The following NRXN3 variants were observed in gnomAD, a reference collection of about 807,000 sequenced individuals.
The protein encoded by NRXN3 is neurexin III.
Under a neutral mutation model 137.6 loss-of-function variants are expected in NRXN3, and 32 were observed. The observed-to-expected ratio is 0.23, with a 90% CI of 0.18 to 0.31. The LOEUF is 0.31. NRXN3 is among the 10% of genes least tolerant of loss of function. The pLI is 1.00. For synonymous variants in NRXN3, 798 were observed against 784.5 expected (o/e 1.02, Z -0.29); for missense variants, 1,574 against 2,062.5 (o/e 0.76, Z 4.59).
intron 15 of NRXN3, among the ~76,000 whole-genome samples, chr14:79,232,417 A>G (rs951523252): frequency 1.6e-4 from 25 of 152,172 alleles, no homozygotes; most frequent in African/African-American, 5.8e-4. Flanking sequence ...AATTGTATTC[A>G]AAACAGAACC....
chr14:78,391,087 C>T (rs1351322696), intron 4 of NRXN3, among the ~76,000 whole-genome samples: 4 of 152,158 alleles, frequency 2.6e-5, no homozygotes, highest in Admixed American at 6.5e-5. Context: ...CCAGCTTTAT[C>T]CATGTCCCTG....
chr14:79,459,849 C>G (rs536263421), intron 15 of NRXN3, among the ~76,000 whole-genome samples: 2 of 151,840 alleles, frequency 1.3e-5, no homozygotes, highest in African/African-American at 4.8e-5. Context: ...TATGAAAATT[C>G]CTTTAAGCAA....
At chr14:79,757,078 T>A (rs1001497097) in intron 19 of NRXN3, among the ~76,000 whole-genome samples, 3 of 152,086 alleles carry the variant, frequency 2.0e-5, no homozygotes, top group Non-Finnish European at 4.4e-5. Flanking sequence ...GTGAGCTTGG[T>A]CCCCACAAAG....
chr14:79,367,114 G>A (rs1408926516), intron 15 of NRXN3, among the ~76,000 whole-genome samples: 1 of 151,666 alleles, frequency 6.6e-6, no homozygotes, highest in African/African-American at 2.4e-5. Flanking sequence ...CTCCCAAGTA[G>A]CTGGGACTAC....
intron 4 of NRXN3, among the ~76,000 whole-genome samples, chr14:78,520,728 T>C (rs1482779013): frequency 1.3e-5 from 2 of 152,144 alleles, no homozygotes; most frequent in African/African-American, 2.4e-5. Flanking sequence ...CTCATGTTTG[T>C]GAAATTAGTT....
At chr14:79,533,823 A>G (rs1240925595) in intron 16 of NRXN3, among the ~76,000 whole-genome samples, 2 of 152,192 alleles carry the variant, frequency 1.3e-5, no homozygotes, top group African/African-American at 2.4e-5. Context: ...GAGGCAAAAG[A>G]ATGGATAGAT....
At chr14:79,822,261 A>T (rs2141059493) in intron 20 of NRXN3, among the ~76,000 whole-genome samples, 1 of 152,280 alleles carries the variant, frequency 6.6e-6, no homozygotes, top group African/African-American at 2.4e-5. Flanking sequence ...GCTCGAATTT[A>T]AAACTAGTAC....
intron 4 of NRXN3, among the ~76,000 whole-genome samples, chr14:78,530,457 A>G (rs965734392): frequency 6.6e-6 from 1 of 152,180 alleles, no homozygotes; most frequent in Non-Finnish European, 1.5e-5. Context: ...GGCTTCTACA[A>G]GTTATTTTTC....
chr14:78,356,094 G>A (rs1006404599), intron 4 of NRXN3, among the ~76,000 whole-genome samples: 1 of 152,220 alleles, frequency 6.6e-6, no homozygotes, highest in African/African-American at 2.4e-5. Context: ...GATTGCAAAG[G>A]GAAAGGCCAA....
chr14:78,405,144 C>A (rs933218236), intron 4 of NRXN3, among the ~76,000 whole-genome samples: 4 of 152,104 alleles, frequency 2.6e-5, no homozygotes, highest in Non-Finnish European at 4.4e-5. Context: ...TTATTTTAAC[C>A]TCTTCTTCCA....
intron 15 of NRXN3, among the ~76,000 whole-genome samples, chr14:79,045,225 C>A (rs2099631239): frequency 1.3e-5 from 2 of 152,022 alleles, no homozygotes; most frequent in East Asian, 3.9e-4. Flanking sequence ...CTGGCGCTAC[C>A]CACACCCCTC....
At chr14:79,095,208 T>C (rs533344966) in intron 15 of NRXN3, among the ~76,000 whole-genome samples, 1 of 152,290 alleles carries the variant, frequency 6.6e-6, no homozygotes, top group African/African-American at 2.4e-5. Flanking sequence ...ATGGTAGCAG[T>C]AGGGACTTGG....
intron 16 of NRXN3, among the ~76,000 whole-genome samples, chr14:79,628,563 A>G (rs756016352): frequency 4.6e-5 from 7 of 152,110 alleles, no homozygotes; most frequent in Non-Finnish European, 8.8e-5. Flanking sequence ...GAGGGCAGAT[A>G]TTGGAAAGGT....
rs142163679 is a variant in NRXN3, at chr14:78,741,229, C to T, written c.2044+26090C>T. On this transcript the variant is annotated intron_variant, in intron 8 of 20. Coordinates refer to ENST00000335750, the MANE Select transcript of NRXN3 (RefSeq NM_001330195.2). ...CAGGAATCCTCATTTTATATCCATGCTGAAGGCTCCTAGAGTAGCATTCCT... is the reference window on the plus strand; with the variant it reads ...CAGGAATCCTCATTTTATATCCATGTTGAAGGCTCCTAGAGTAGCATTCCT... Among the ~76,000 whole-genome samples, 764 of 152,292 alleles carry T rather than the reference C, an allele frequency of 5.0e-3. 9 individuals are homozygous for T. Among genetic ancestry groups the T allele is most frequent in the African/African-American group, 0.018 (735 of 41,576 alleles).
At chr14:79,679,697 AAAAAAATAC>A (rs1353201178) in intron 17 of NRXN3, among the ~76,000 whole-genome samples, 1 of 152,138 alleles carries the variant, frequency 6.6e-6, no homozygotes, top group African/African-American at 2.4e-5. Flanking sequence ...ATTTCATAGG[AAAAAAATAC>A]TTTAAGGACT....
At chr14:78,992,206 T>C (rs1299812237) in intron 15 of NRXN3, among the ~76,000 whole-genome samples, 1 of 152,208 alleles carries the variant, frequency 6.6e-6, no homozygotes, top group African/African-American at 2.4e-5. Flanking sequence ...GATTCTGCAA[T>C]CTAATCATCC....
At chr14:79,140,197 C>T (rs990022502) in intron 15 of NRXN3, among the ~76,000 whole-genome samples, 1 of 152,042 alleles carries the variant, frequency 6.6e-6, no homozygotes, top group African/African-American at 2.4e-5. Context: ...ATAATTCTTG[C>T]ACATTCTCTA....
intron 4 of NRXN3, among the ~76,000 whole-genome samples, chr14:78,498,623 T>C (rs941749199): frequency 6.6e-6 from 1 of 152,152 alleles, no homozygotes; most frequent in African/African-American, 2.4e-5. Context: ...TGCATACACT[T>C]ATATTTGTTA....
Position 78,225,980 on chromosome 14 carries a change from T to TGTTG in NRXN3, c.-703-16409_-703-16408insTGGT, listed in dbSNP as rs1555412877. Among the ~76,000 whole-genome samples, 182 of 133,832 alleles carry TGTTG rather than the reference T, an allele frequency of 1.4e-3. 1 individual carries two copies. Among genetic ancestry groups the TGTTG allele is most frequent in the East Asian group, 7.5e-3 (34 of 4,508 alleles). The allele number at this position is 133,832 out of a possible 152,430, so 87.8% of individuals were successfully genotyped here. On this transcript the variant is annotated intron_variant, in intron 1 of 20. Transcript: ENST00000335750. ...GTGTGTGTGTGTGTGTGTTGGTGTG[T>TGTTG]GTGTGTGTGTGTGTGTGTGTGTGTG...
Sources: allele counts gnomAD v4.1 joint callset (sites outside exome capture counted in the v4.1 genomes callset), GRCh38; gene constraint gnomAD v4.1.1; transcripts MANE v1.5; gene names NCBI Gene and HGNC (gene_info 2026-07-23, HGNC 2026-07-21).